Variants in HEATR5B observed in about 807,000 individuals in gnomAD.
HEATR5B encodes the protein HEAT repeat-containing protein 5B.
Under a neutral mutation model 224.1 loss-of-function variants are expected in HEATR5B, and 156 were observed. The ratio of observed to expected loss-of-function variants is 0.70; its 90% CI spans 0.61 to 0.80. The LOEUF (loss-of-function observed/expected upper bound fraction) is 0.80, where lower values mean the gene tolerates loss of function less well. Ranked by LOEUF, HEATR5B falls within the 30% of genes least tolerant of loss-of-function variation. The pLI, the probability that HEATR5B is intolerant of heterozygous loss-of-function variation, is 0.00. For synonymous variants in HEATR5B, 1,027 were observed against 893.0 expected (o/e 1.15, Z -2.68); for missense variants, 2,323 against 2,535.5 (o/e 0.92, Z 1.80).
At chr2:37,006,282 T>G (rs115127154) in intron 29 of HEATR5B, among the ~76,000 whole-genome samples, 3 of 152,322 alleles carry the variant, frequency 2.0e-5, no homozygotes, top group Non-Finnish European at 4.4e-5. Context: ...CCTTATTGTG[T>G]TCCTTTTCAC....
chr2:37,000,880 C>A, intron 32 of HEATR5B, 67 bp from the exon 33 acceptor site: 1 of 1,102,666 alleles, frequency 9.1e-7, no homozygotes, highest in Non-Finnish European at 1.3e-6. Flanking sequence ...GTTTTCATTG[C>A]TTGTATTTTT....
intron 4 of HEATR5B, 81 bp from the exon 5 acceptor site, chr2:37,075,715 T>C: frequency 1.0e-6 from 1 of 992,374 alleles, no homozygotes; most frequent in Non-Finnish European, 1.5e-6. Context: ...AAAAGTTCTT[T>C]GGGTCTAATG....
intron 18 of HEATR5B, among the ~76,000 whole-genome samples, chr2:37,049,181 A>C (rs1481254308): frequency 6.6e-6 from 1 of 152,214 alleles, no homozygotes; most frequent in Admixed American, 6.5e-5. Context: ...TAATTAATAT[A>C]TAAGTGAATC....
chr2:37,019,970 CTCG>C, intron 25 of HEATR5B, 93 bp from the exon 26 acceptor site: 1 of 825,968 alleles, frequency 1.2e-6, no homozygotes, highest in Non-Finnish European at 1.9e-6. Flanking sequence ...GTGGTGCGAT[CTCG>C]GCTCATTGCA....
Position 37,019,676 on chromosome 2 carries a change from CA to C in HEATR5B, c.4104+132del. 8.4e-6 allele frequency: 5 copies of C among 597,708 alleles called. No individual in the cohort carries two copies. In the South Asian group the frequency reaches 1.1e-4, roughly 13 times the overall value. 37.0% of individuals were successfully genotyped at this position (597,708 alleles called of 1,614,324 possible). The stretch of plus-strand genomic sequence containing the variant: ...TTCCCCATGTTGGCCAGGCTGATCT[CA>C]AACTCCTGAATTCAAGCGATCCTCC... On this transcript the variant is annotated intron_variant, in intron 26 of 35. Coordinates refer to ENST00000233099, the MANE Select transcript of HEATR5B (RefSeq NM_019024.3).
chr2:37,019,319 CATA>C (rs1476990801), intron 26 of HEATR5B, among the ~76,000 whole-genome samples: 1 of 152,074 alleles, frequency 6.6e-6, no homozygotes, highest in Non-Finnish European at 1.5e-5. Context: ...GCAAAATTTT[CATA>C]ATGTGTGGTC....
intron 33 of HEATR5B, among the ~76,000 whole-genome samples, chr2:36,996,428 CT>C (rs776769943): frequency 1.8e-3 from 256 of 138,544 alleles, no homozygotes; most frequent in Middle Eastern, 3.9e-3. Context: ...TCTTTTCTTT[CT>C]TTTTTTTTTT....
chr2:37,063,812 T>A (rs1271730531), intron 10 of HEATR5B, among the ~76,000 whole-genome samples: 1 of 152,140 alleles, frequency 6.6e-6, no homozygotes, highest in East Asian at 1.9e-4. Context: ...TCATATTTTT[T>A]ATTTTATTTT....
chr2:37,039,627 T>C (rs964002007), intron 20 of HEATR5B, among the ~76,000 whole-genome samples: 23 of 152,184 alleles, frequency 1.5e-4, no homozygotes, highest in Admixed American at 1.5e-3. Flanking sequence ...AATTAAATAA[T>C]GTATGTTAAA....
At chr2:37,056,286 G>A (rs1391653269) in intron 16 of HEATR5B, among the ~76,000 whole-genome samples, 154 bp downstream of exon 16, 1 of 152,076 alleles carries the variant, frequency 6.6e-6, no homozygotes, top group Non-Finnish European at 1.5e-5. Flanking sequence ...TTTTTATCAT[G>A]TATCTGTCAC....
In HEATR5B at chr2:37,028,196, T is replaced by C. The variant is rs41411646; in HGVS notation, c.3602-22A>G. Reference sequence around the variant, plus strand: ...ATATCTATAACAAGAATAAGGAATATTGTAACAATCTCACATAAGCAAAAA... The same window carrying C: ...ATATCTATAACAAGAATAAGGAATACTGTAACAATCTCACATAAGCAAAAA... On this transcript the variant is annotated intron_variant, in intron 23 of 35. Transcript: ENST00000233099. The C allele has an allele frequency of 6.4e-3, 9,826 of 1,526,560 alleles. 543 individuals are homozygous for C. The African/African-American group carries it at 0.12, about 19-fold the overall frequency. The allele number at this position is 1,526,560 out of a possible 1,614,324, so 94.6% of individuals were successfully genotyped here.
At chr2:36,982,892 A>ACACACACACACG (rs1665679776) in intron 35 of HEATR5B, among the ~76,000 whole-genome samples, 1 of 151,576 alleles carries the variant, frequency 6.6e-6, no homozygotes, top group Non-Finnish European at 1.5e-5. Flanking sequence ...ACACACACAC[A>ACACACACACACG]CACACACACA....
intron 15 of HEATR5B, 79 bp from the exon 16 acceptor site, chr2:37,056,694 A>C (rs537179319): frequency 9.2e-5 from 111 of 1,205,966 alleles, no homozygotes; most frequent in Non-Finnish European, 1.3e-4. Flanking sequence ...TGAGGATTAC[A>C]GCAGAGGAGA....
chr2:37,019,856 C>T lies in HEATR5B; in HGVS notation c.4057G>A (p.Ala1353Thr), dbSNP rs781367341. Residue 1353 changes from alanine (A) to threonine (T), a missense_variant, in exon 26 of 36, where the codon GCC becomes ACC. This residue lies in a region of HEATR5B where 339 missense variants were observed against 378.4 expected (regional missense o/e 0.90). Transcript: ENST00000233099. ...QANVGAALRP[A>T]FSQDTPSDII... The stretch of plus-strand genomic sequence containing the variant: ...TCTGATGGTGTATCTTGTGAAAAGG[C>T]TGGTCTTAGAGCAGCTCCCACCTAG... 2 of 1,609,776 alleles carry T rather than the reference C, an allele frequency of 1.2e-6. No individual in the cohort carries two copies. Among genetic ancestry groups the T allele is most frequent in the Non-Finnish European group, 1.7e-6 (2 of 1,178,188 alleles).
chr2:37,057,320 G>C lies in HEATR5B; in HGVS notation c.2220C>G (p.Asp740Glu). 1 of 1,597,678 alleles carries C rather than the reference G, an allele frequency of 6.3e-7. No individual in the cohort carries two copies. The highest frequency in any genetic ancestry group is 8.5e-7 in the Non-Finnish European group (1 of 1,173,144). Residue 740 changes from aspartate (D) to glutamate (E), a missense_variant, in exon 15 of 36, where the codon GAC becomes GAG. Transcript: ENST00000233099. ...LQETDHKSIE[D>E]QLQPNSASGS... is the part of the protein sequence containing the mutation. ...CATTTTCCTCTATGTTTATTACCTG[G>C]TCTTCAATTGATTTATGATCAGTTT...
chr2:37,075,412 AG>A (rs1672163992), intron 5 of HEATR5B, 72 bp downstream of exon 5: 1 of 1,081,166 alleles, frequency 9.2e-7, no homozygotes, highest in Non-Finnish European at 1.2e-6. Flanking sequence ...AAATTTTAAA[AG>A]AAAAAAAAAT....
chr2:37,054,479 C>CCT (rs1670769533), intron 16 of HEATR5B, among the ~76,000 whole-genome samples: 1 of 79,104 alleles, frequency 1.3e-5, no homozygotes. Context: ...CTGTGCTCTG[C>CCT]ATTTTTTTTT....
chr2:37,044,444 T>C (rs951113932), intron 18 of HEATR5B, among the ~76,000 whole-genome samples: 3 of 152,256 alleles, frequency 2.0e-5, no homozygotes, highest in African/African-American at 7.2e-5. Flanking sequence ...GTAAAAGTAG[T>C]TTGCTCTTTT....
At chr2:36,985,464 T>TG (rs1188967147) in intron 35 of HEATR5B, among the ~76,000 whole-genome samples, 1 of 148,748 alleles carries the variant, frequency 6.7e-6, no homozygotes, top group Non-Finnish European at 1.5e-5. Flanking sequence ...TTTGGTTTTT[T>TG]TTTTTTTTTT....
Sources: gnomAD v4.1 joint callset for allele counts (sites outside exome capture counted in the v4.1 genomes callset) on GRCh38, gnomAD v4.1.1 for gene constraint, gnomAD v4.1.1 regional missense constraint, MANE v1.5 for transcripts, NCBI Gene and HGNC (gene_info 2026-07-23, HGNC 2026-07-21) for gene names.